Variants in GPC5 observed in about 807,000 individuals in gnomAD.
GPC5 encodes the protein glypican-5.
Under a neutral mutation model 53.9 loss-of-function variants are expected in GPC5, and 47 were observed. The ratio of observed to expected loss-of-function variants is 0.87; its 90% CI spans 0.69 to 1.11. The LOEUF is 1.11. Ranked by LOEUF, GPC5 falls within the 50% of genes most tolerant of loss-of-function variation. GPC5 has a pLI of 0.00. For missense variants in GPC5, 748 were observed against 713.1 expected, an observed-to-expected ratio of 1.05 and a Z score of -0.56; for synonymous variants, 286 against 263.3, an observed-to-expected ratio of 1.09 and a Z score of -0.84.
intron 7 of GPC5, among the ~76,000 whole-genome samples, chr13:92,169,064 C>A (rs1457514462): frequency 6.6e-6 from 1 of 152,150 alleles, no homozygotes; most frequent in Admixed American, 6.5e-5. Context: ...TTATCCTCAG[C>A]AAACTAACTC....
chr13:92,526,548 G>C (rs1881289949), intron 7 of GPC5, among the ~76,000 whole-genome samples: 1 of 152,026 alleles, frequency 6.6e-6, no homozygotes, highest in South Asian at 2.1e-4. Flanking sequence ...GGTAGGGAAT[G>C]TTGCTTTTAT....
At chr13:92,385,624 C>CA (rs1874646232) in intron 7 of GPC5, among the ~76,000 whole-genome samples, 2 of 139,550 alleles carry the variant, frequency 1.4e-5, no homozygotes, top group South Asian at 4.4e-4. Context: ...CATATACATA[C>CA]ACATATATAC....
chr13:91,593,703 A>G (rs2032888916), intron 2 of GPC5, among the ~76,000 whole-genome samples: 1 of 152,206 alleles, frequency 6.6e-6, no homozygotes, highest in Non-Finnish European at 1.5e-5. Context: ...GTGTTCATCT[A>G]TTCCATGATC....
At chr13:92,367,784 T>A (rs1355532130) in intron 7 of GPC5, among the ~76,000 whole-genome samples, 1 of 152,208 alleles carries the variant, frequency 6.6e-6, no homozygotes, top group Non-Finnish European at 1.5e-5. Context: ...AAAACACAAT[T>A]TCCCTTGAGT....
chr13:92,711,055 A>T (rs1355879876), intron 7 of GPC5, among the ~76,000 whole-genome samples: 2 of 152,222 alleles, frequency 1.3e-5, no homozygotes, highest in Admixed American at 6.5e-5. Context: ...CTATTCGTAC[A>T]GTCCCACTTC....
chr13:92,070,701 C>G (rs186812308), intron 6 of GPC5, among the ~76,000 whole-genome samples: 1 of 152,232 alleles, frequency 6.6e-6, no homozygotes, highest in South Asian at 2.1e-4. Flanking sequence ...GAATGCATCT[C>G]GGACCACTTA....
chr13:92,577,867 TA>T (rs1883239857), intron 7 of GPC5, among the ~76,000 whole-genome samples: 1 of 152,164 alleles, frequency 6.6e-6, no homozygotes, highest in South Asian at 2.1e-4. Flanking sequence ...AAAAAAATTT[TA>T]AAAAATAGGC....
chr13:91,757,741 G>A (rs959125102), intron 5 of GPC5, among the ~76,000 whole-genome samples: 3 of 152,028 alleles, frequency 2.0e-5, no homozygotes, highest in African/African-American at 7.2e-5. Flanking sequence ...CCAGTCTTGG[G>A]TATTTCTTCA....
At chr13:91,891,765 T>G (rs550268511) in intron 5 of GPC5, among the ~76,000 whole-genome samples, 1 of 152,284 alleles carries the variant, frequency 6.6e-6, no homozygotes, top group East Asian at 1.9e-4. Context: ...TTGTTCAGCT[T>G]GACCTTGATT....
chr13:91,663,004 G>T (rs2035021237), intron 2 of GPC5, among the ~76,000 whole-genome samples: 1 of 152,216 alleles, frequency 6.6e-6, no homozygotes. Flanking sequence ...CCTGCAAGAT[G>T]GGGAAGGCAG....
chr13:92,034,976 A>G (rs2040881105), intron 6 of GPC5, among the ~76,000 whole-genome samples: 1 of 152,186 alleles, frequency 6.6e-6, no homozygotes. Flanking sequence ...TTGACACATA[A>G]AATAGTTGCT....
At chr13:91,970,929 T>C (rs950701546) in intron 6 of GPC5, among the ~76,000 whole-genome samples, 10 of 152,186 alleles carry the variant, frequency 6.6e-5, no homozygotes, top group African/African-American at 2.4e-4. Context: ...AAAGTTCTCT[T>C]TTTTGGTTGT....
chr13:92,262,005 A>G (rs1031650428), intron 7 of GPC5, among the ~76,000 whole-genome samples: 2 of 152,146 alleles, frequency 1.3e-5, no homozygotes, highest in African/African-American at 4.8e-5. Flanking sequence ...CCATATGTCC[A>G]GTATTTGTAG....
chr13:92,850,523 C>T (rs562368733), intron 7 of GPC5, among the ~76,000 whole-genome samples: 14 of 152,136 alleles, frequency 9.2e-5, no homozygotes, highest in African/African-American at 3.1e-4. Context: ...CGCTGGAACC[C>T]AGGAGGTGGA....
intron 6 of GPC5, among the ~76,000 whole-genome samples, chr13:91,939,431 T>A (rs2039904019): frequency 6.6e-6 from 1 of 152,194 alleles, no homozygotes; most frequent in African/African-American, 2.4e-5. Context: ...CTAGGTTGAA[T>A]TCTCTTTCTA....
chr13:92,505,357 A>G (rs1028421003), intron 7 of GPC5, among the ~76,000 whole-genome samples: 1 of 152,040 alleles, frequency 6.6e-6, no homozygotes, highest in African/African-American at 2.4e-5. Flanking sequence ...AAACATGTGA[A>G]AAGATGTTTA....
At chr13:91,915,531 ATGC>A (rs1349826209) in intron 6 of GPC5, among the ~76,000 whole-genome samples, 1 of 152,038 alleles carries the variant, frequency 6.6e-6, no homozygotes, top group African/African-American at 2.4e-5. Flanking sequence ...ATTTATGTGG[ATGC>A]TGCTGATTTT....
chr13:91,986,394 T>C (rs1479400553), intron 6 of GPC5, among the ~76,000 whole-genome samples: 1 of 152,202 alleles, frequency 6.6e-6, no homozygotes, highest in Non-Finnish European at 1.5e-5. Flanking sequence ...TTTTCTACTT[T>C]TTAAACACTT....
intron 7 of GPC5, among the ~76,000 whole-genome samples, chr13:92,546,206 G>A (rs1882103916): frequency 6.6e-6 from 1 of 152,052 alleles, no homozygotes; most frequent in African/African-American, 2.4e-5. Context: ...TATTCAATTT[G>A]GAAAAGAGGA....
Sources: gnomAD v4.1 joint callset for allele counts (sites outside exome capture counted in the v4.1 genomes callset) on GRCh38, gnomAD v4.1.1 for gene constraint, MANE v1.5 for transcripts, NCBI Gene and HGNC (gene_info 2026-07-23, HGNC 2026-07-21) for gene names.